The following LIMD1 variants were observed in gnomAD, a reference collection of about 807,000 sequenced individuals.
LIMD1 encodes LIM domain containing 1.
In LIMD1, 23 loss-of-function variants were observed where a neutral mutation model predicts 58.4. That is an observed-to-expected ratio of 0.39 (90% CI 0.28 to 0.56). The LOEUF (loss-of-function observed/expected upper bound fraction) is 0.56, where lower values mean the gene tolerates loss of function less well. Among genes scored for constraint, LIMD1 ranks in the 20% least tolerant of loss-of-function variants. The probability of loss-of-function intolerance (pLI) is 0.57; values close to 1 mark genes in which losing one functional copy is unlikely to be tolerated. For synonymous variants in LIMD1, 334 were observed against 345.5 expected, an observed-to-expected ratio of 0.97 and a Z score of 0.37; for missense variants, 838 against 855.5, an observed-to-expected ratio of 0.98 and a Z score of 0.25.
chr3:45,667,422 C>T (rs1219331921), intron 3 of LIMD1, among the ~76,000 whole-genome samples: 2 of 152,114 alleles, frequency 1.3e-5, no homozygotes, highest in East Asian at 3.8e-4. Flanking sequence ...TGCCAGACAA[C>T]AGAAACCTCC....
chr3:45,622,976 G>A (rs1701640565), intron 1 of LIMD1, among the ~76,000 whole-genome samples: 1 of 152,078 alleles, frequency 6.6e-6, no homozygotes, highest in Non-Finnish European at 1.5e-5. Flanking sequence ...CCTTTTAAAG[G>A]TTTTTGATGC....
intron 3 of LIMD1, among the ~76,000 whole-genome samples, chr3:45,667,910 T>C (rs1444938132): frequency 6.6e-6 from 1 of 152,278 alleles, no homozygotes; most frequent in Non-Finnish European, 1.5e-5. Context: ...CCCCCTGAGT[T>C]TCCAAATCAG....
intron 1 of LIMD1, among the ~76,000 whole-genome samples, chr3:45,603,222 T>TA (rs1217771727): frequency 2.6e-5 from 4 of 152,158 alleles, no homozygotes; most frequent in African/African-American, 4.8e-5. Flanking sequence ...CAGCCTAGAT[T>TA]AAAAAATCGA....
At chr3:45,664,324 A>G (rs937241074) in intron 2 of LIMD1, among the ~76,000 whole-genome samples, 2 of 152,182 alleles carry the variant, frequency 1.3e-5, no homozygotes, top group African/African-American at 4.8e-5. Context: ...ATAGCATTTT[A>G]TATGTGCTTT....
intron 1 of LIMD1, among the ~76,000 whole-genome samples, chr3:45,608,709 G>A (rs1393969909): frequency 2.6e-5 from 4 of 151,918 alleles, no homozygotes; most frequent in Admixed American, 1.3e-4. Context: ...GTGTGGTGGC[G>A]CATGCCTGTA....
In LIMD1 at chr3:45,596,086, G is replaced by C; in HGVS notation, c.1207G>C (p.Glu403Gln). ...CACCCTGCCTGAGTTATCTTGTAAAGAGGGTCCCCTGGGCTGGTCTTCTGA... is the reference window on the plus strand; with the variant it reads ...CACCCTGCCTGAGTTATCTTGTAAACAGGGTCCCCTGGGCTGGTCTTCTGA... Reference protein sequence around the residue: ...MSTLPELSCKEGPLGWSSDGS... With the variant: ...MSTLPELSCKQGPLGWSSDGS... Residue 403 changes from glutamate to glutamine, a missense_variant, in exon 1 of 8, where the codon GAG (glutamate) becomes CAG (glutamine). By Grantham distance (29) the Glu-to-Gln change is conservative. This residue lies in a region of LIMD1 where 659 missense variants were observed against 639.8 expected (regional missense o/e 1.03). Transcript: ENST00000273317. 1.9e-6 allele frequency: 3 copies of C among 1,614,230 alleles called. No individual in the cohort carries two copies. In the Admixed American group the frequency reaches 5.0e-5, roughly 27 times the overall value.
chr3:45,674,961 G>T (rs765889731), intron 7 of LIMD1, among the ~76,000 whole-genome samples: 1 of 152,206 alleles, frequency 6.6e-6, no homozygotes, highest in Non-Finnish European at 1.5e-5. Flanking sequence ...GAAAGCTAGA[G>T]GTTGCCCCTC....
At chr3:45,627,022 A>G (rs1385367532) in intron 1 of LIMD1, among the ~76,000 whole-genome samples, 3 of 152,204 alleles carry the variant, frequency 2.0e-5, no homozygotes, top group African/African-American at 7.2e-5. Context: ...ATCTTTCAAA[A>G]ATCCACTGTG....
chr3:45,607,194 T>C (rs1701476087), intron 1 of LIMD1, among the ~76,000 whole-genome samples: 1 of 152,214 alleles, frequency 6.6e-6, no homozygotes, highest in African/African-American at 2.4e-5. Flanking sequence ...TTCCAAGGCG[T>C]GGCAACGCAG....
chr3:45,670,129 C>CCT (rs1161515830), intron 4 of LIMD1, among the ~76,000 whole-genome samples: 1 of 152,150 alleles, frequency 6.6e-6, no homozygotes, highest in African/African-American at 2.4e-5. Context: ...CATATGCTTA[C>CCT]CTCTCCTTCC....
At chr3:45,673,898 A>AT (rs1445262246) in intron 6 of LIMD1, 2 of 255,376 alleles carry the variant, frequency 7.8e-6, no homozygotes, top group African/African-American at 4.5e-5. Flanking sequence ...AAAAAAAAAA[A>AT]CCAAAAAAAA....
In LIMD1 at chr3:45,636,607, C is replaced by A. The variant is rs547384499; in HGVS notation, c.1510+356C>A. ...TACCCTGTTTGTCAGTTCTCTCCCC[C>A]ACTGTGGGGACCAGCCAACCAAAAG... On this transcript the variant is annotated intron_variant, in intron 2 of 7. Transcript: ENST00000273317. Among the ~76,000 whole-genome samples, 3 of 152,344 alleles carry A rather than the reference C, an allele frequency of 2.0e-5. No homozygotes were observed. In the East Asian group the frequency reaches 5.8e-4, roughly 29 times the overall value.
chr3:45,677,131 T>G lies in LIMD1; in HGVS notation c.*72T>G. ...TGCTGCTGCTGCTTCCGGTGGCCCC[T>G]GGGGTGGAAGTGGGGTAGGGGAAGA... On this transcript the variant is annotated 3_prime_UTR_variant, in exon 8 of 8. Coordinates refer to ENST00000273317, the MANE Select transcript of LIMD1 (RefSeq NM_014240.3). 1 of 1,562,274 alleles carries G rather than the reference T, an allele frequency of 6.4e-7. No individual in the cohort carries two copies. Among genetic ancestry groups the G allele is most frequent in the Non-Finnish European group, 8.7e-7 (1 of 1,148,228 alleles).
intron 1 of LIMD1, among the ~76,000 whole-genome samples, chr3:45,626,494 A>C (rs1172629538): frequency 3.3e-5 from 5 of 152,238 alleles, no homozygotes; most frequent in African/African-American, 1.2e-4. Flanking sequence ...AAGGCTGCAG[A>C]GTGTATGATT....
At chr3:45,619,785 T>G (rs1701612773) in intron 1 of LIMD1, among the ~76,000 whole-genome samples, 1 of 149,670 alleles carries the variant, frequency 6.7e-6, no homozygotes, top group South Asian at 2.1e-4. Flanking sequence ...GGCAACAGAG[T>G]GAAACTCCAT....
intron 1 of LIMD1, among the ~76,000 whole-genome samples, chr3:45,627,827 G>A (rs971425517): frequency 6.6e-6 from 1 of 151,678 alleles, no homozygotes; most frequent in African/African-American, 2.4e-5. Context: ...GGCCAACATG[G>A]CGAAACACCA....
intron 1 of LIMD1, among the ~76,000 whole-genome samples, chr3:45,632,713 C>G (rs1251376944): frequency 2.0e-5 from 3 of 152,210 alleles, no homozygotes; most frequent in Non-Finnish European, 4.4e-5. Context: ...GCCCAGGTAA[C>G]TAGCAACTCA....
At chr3:45,642,461 G>A (rs1008978077) in intron 2 of LIMD1, among the ~76,000 whole-genome samples, 4 of 152,318 alleles carry the variant, frequency 2.6e-5, no homozygotes, top group Non-Finnish European at 2.9e-5. Context: ...ATAGGCATGA[G>A]CCACCACATC....
chr3:45,675,806 A>G (rs1223125392), intron 7 of LIMD1, among the ~76,000 whole-genome samples: 1 of 152,156 alleles, frequency 6.6e-6, no homozygotes, highest in East Asian at 1.9e-4. Flanking sequence ...CAGGAGTTTG[A>G]GAACAGCATG....
Sources: gnomAD v4.1 joint callset for allele counts (sites outside exome capture counted in the v4.1 genomes callset) on GRCh38, gnomAD v4.1.1 for gene constraint, gnomAD v4.1.1 regional missense constraint, MANE v1.5 for transcripts, NCBI Gene and HGNC (gene_info 2026-07-23, HGNC 2026-07-21) for gene names.